LUZP2: variants seen among roughly 807,000 people sequenced by gnomAD.
LUZP2 encodes leucine zipper protein 2.
LUZP2 carries 52 observed loss-of-function variants against 51.6 expected under a neutral mutation model. That is an observed-to-expected ratio of 1.01 (90% CI 0.81 to 1.27). The LOEUF (loss-of-function observed/expected upper bound fraction) is 1.27, where lower values mean the gene tolerates loss of function less well. LUZP2 is among the 50% of genes most tolerant of loss of function. LUZP2 has a pLI of 0.00. For synonymous variants in LUZP2, 154 were observed against 137.3 expected, an observed-to-expected ratio of 1.12 and a Z score of -0.85; for missense variants, 436 against 395.4, an observed-to-expected ratio of 1.10 and a Z score of -0.87.
chr11:24,757,241 G>T (rs796515042), intron 4 of LUZP2, among the ~76,000 whole-genome samples: 17 of 152,096 alleles, frequency 1.1e-4, no homozygotes, highest in African/African-American at 4.1e-4. Context: ...TTACAGAAAT[G>T]ATATACAAAT....
intron 1 of LUZP2, among the ~76,000 whole-genome samples, chr11:24,674,138 T>G (rs1293026508): frequency 6.6e-6 from 1 of 152,180 alleles, no homozygotes; most frequent in Non-Finnish European, 1.5e-5. Flanking sequence ...TTCTACATAT[T>G]TTTAATCTTT....
chr11:24,913,941 T>G lies in LUZP2; in HGVS notation c.460-535T>G, dbSNP rs142318760. Among the ~76,000 whole-genome samples the G allele has an allele frequency of 4.6e-3, 701 of 152,280 alleles. 3 individuals carry two copies. Among genetic ancestry groups the G allele is most frequent in the Non-Finnish European group, 6.0e-3 (406 of 68,024 alleles). ...AGAAAGATTTTCTTTTTAAGTATTT[T>G]CCTATTAGTGATGGCCCTCTTAAAA... On this transcript the variant is annotated intron_variant, in intron 6 of 11. Coordinates refer to ENST00000336930, the MANE Select transcript of LUZP2 (RefSeq NM_001009909.4).
At position 24,619,032 on chromosome 11, in the gene LUZP2, A is replaced by G. The variant is rs144072692; in HGVS notation, c.63-110137A>G. 9.6e-3 allele frequency among the ~76,000 whole-genome samples: 1,454 copies of G among 150,888 alleles called. 23 individuals are homozygous for G. The highest frequency in any genetic ancestry group is 0.033 in the African/African-American group (1,360 of 41,058). On this transcript the variant is annotated intron_variant, in intron 1 of 11. Coordinates refer to ENST00000336930, the MANE Select transcript of LUZP2 (RefSeq NM_001009909.4). ...TATTTATTTATTTATTTATTTATTT[A>G]TTTATTTATTTATTTGAGATAGGTC...
intron 3 of LUZP2, among the ~76,000 whole-genome samples, chr11:24,737,446 A>G (rs1017218581): frequency 7.2e-5 from 11 of 152,032 alleles, no homozygotes; most frequent in African/African-American, 2.7e-4. Flanking sequence ...TACAAACACA[A>G]ACAAGTACAC....
At chr11:24,634,379 T>C (rs1197543080) in intron 1 of LUZP2, among the ~76,000 whole-genome samples, 1 of 152,040 alleles carries the variant, frequency 6.6e-6, no homozygotes, top group Non-Finnish European at 1.5e-5. Context: ...TAGATTGTCT[T>C]TGTATGGCTA....
At chr11:25,007,999 A>T (rs539257350) in intron 9 of LUZP2, among the ~76,000 whole-genome samples, 10 of 152,210 alleles carry the variant, frequency 6.6e-5, no homozygotes, top group Non-Finnish European at 8.8e-5. Flanking sequence ...AGGTCTTCAA[A>T]TCTATAATAA....
chr11:24,956,419 T>C (rs990666202), intron 7 of LUZP2, among the ~76,000 whole-genome samples: 3 of 152,114 alleles, frequency 2.0e-5, no homozygotes, highest in South Asian at 2.1e-4. Context: ...TTTTCGATGT[T>C]TTAAGCCACT....
chr11:24,678,620 A>T (rs1430334431), intron 1 of LUZP2, among the ~76,000 whole-genome samples: 1 of 152,202 alleles, frequency 6.6e-6, no homozygotes, highest in Admixed American at 6.5e-5. Context: ...TCAATTTTAG[A>T]CATAATTTAC....
At chr11:24,859,589 G>C (rs1239769609) in intron 5 of LUZP2, among the ~76,000 whole-genome samples, 1 of 152,098 alleles carries the variant, frequency 6.6e-6, no homozygotes, top group Non-Finnish European at 1.5e-5. Context: ...GTGCTCGGAG[G>C]CTTCCATCGA....
intron 1 of LUZP2, among the ~76,000 whole-genome samples, chr11:24,620,169 A>G (rs966253442): frequency 6.6e-6 from 1 of 152,206 alleles, no homozygotes; most frequent in Non-Finnish European, 1.5e-5. Context: ...AAAACAGTCA[A>G]CTGAAATAAA....
intron 1 of LUZP2, among the ~76,000 whole-genome samples, chr11:24,604,054 C>T (rs948241063): frequency 1.3e-5 from 2 of 151,708 alleles, no homozygotes; most frequent in East Asian, 1.9e-4. Flanking sequence ...GTGTAATTTA[C>T]AATGCAATAA....
intron 5 of LUZP2, among the ~76,000 whole-genome samples, chr11:24,887,000 C>T (rs925872877): frequency 7.9e-5 from 12 of 152,062 alleles, no homozygotes; most frequent in African/African-American, 2.9e-4. Flanking sequence ...GTCCTAATGC[C>T]TATTTGCCTG....
chr11:24,611,538 G>C lies in LUZP2; in HGVS notation c.62+114233G>C, dbSNP rs1387431868. 6.6e-6 allele frequency among the ~76,000 whole-genome samples: 1 copy of C among 152,100 alleles called. No homozygotes were observed. Reference sequence around the variant, plus strand: ...GTGTGAAAAGATACATTGAGTCAGAGTTTGGCAATTATGGAACTAGGGTGG... The same window carrying C: ...GTGTGAAAAGATACATTGAGTCAGACTTTGGCAATTATGGAACTAGGGTGG... On this transcript the variant is annotated intron_variant, in intron 1 of 11. Coordinates refer to ENST00000336930, the MANE Select transcript of LUZP2 (RefSeq NM_001009909.4). This position sits in a 1 kb window ranked among gnomAD's most constrained non-coding sequence, Gnocchi z 4.6.
intron 10 of LUZP2, among the ~76,000 whole-genome samples, chr11:25,069,952 A>G (rs903124520): frequency 6.6e-6 from 1 of 151,730 alleles, no homozygotes; most frequent in Non-Finnish European, 1.5e-5. Context: ...CTTACTTCTT[A>G]TTTATTTAAA....
intron 7 of LUZP2, among the ~76,000 whole-genome samples, chr11:24,954,918 G>C (rs7130544): frequency 0.49 from 74,443 of 151,838 alleles, 18,604 homozygotes; most frequent in Non-Finnish European, 0.51. Context: ...AGTAGGAACG[G>C]ACCAGAAAGA....
At chr11:24,725,248 C>G (rs1166125395) in intron 1 of LUZP2, among the ~76,000 whole-genome samples, 1 of 151,860 alleles carries the variant, frequency 6.6e-6, no homozygotes, top group Non-Finnish European at 1.5e-5. Flanking sequence ...GTCACGAAGA[C>G]AGCAAATGAA....
chr11:24,754,181 G>C (rs1476101572), intron 4 of LUZP2, among the ~76,000 whole-genome samples: 1 of 151,898 alleles, frequency 6.6e-6, no homozygotes, highest in East Asian at 1.9e-4. Context: ...ATTTTTTGTA[G>C]AGATGAGGTT....
At chr11:24,502,558 G>A (rs1036346972) in intron 1 of LUZP2, among the ~76,000 whole-genome samples, 23 of 151,858 alleles carry the variant, frequency 1.5e-4, no homozygotes, top group African/African-American at 4.1e-4. Context: ...TGATTTTTTC[G>A]TATTTTTAGT....
intron 1 of LUZP2, among the ~76,000 whole-genome samples, chr11:24,543,640 G>C (rs1193580803): frequency 6.6e-6 from 1 of 151,972 alleles, no homozygotes; most frequent in African/African-American, 2.4e-5. Flanking sequence ...GGCCAACATA[G>C]TGAAATTCCG....
Sources: allele counts gnomAD v4.1 joint callset (sites outside exome capture counted in the v4.1 genomes callset), GRCh38; gene constraint gnomAD v4.1.1; non-coding constraint Gnocchi (gnomAD v3.1); transcripts MANE v1.5; gene names NCBI Gene and HGNC (gene_info 2026-07-23, HGNC 2026-07-21).